The following CSRNP3 variants were observed in gnomAD, a reference collection of about 807,000 sequenced individuals.
The protein encoded by CSRNP3 is cysteine and serine rich nuclear protein 3, also known as cysteine/serine-rich nuclear protein 3.
CSRNP3 carries 12 observed loss-of-function variants against 48.0 expected under a neutral mutation model. The ratio of observed to expected loss-of-function variants is 0.25; its 90% confidence interval spans 0.16 to 0.41. The LOEUF is 0.41. Among genes scored for constraint, CSRNP3 ranks in the 10% least tolerant of loss-of-function variants. The pLI is 1.00. For synonymous variants in CSRNP3, 263 were observed against 269.7 expected, an observed-to-expected ratio of 0.98 and a Z score of 0.24; for missense variants, 580 against 724.4, an observed-to-expected ratio of 0.80 and a Z score of 2.29.
intron 3 of CSRNP3, among the ~76,000 whole-genome samples, chr2:165,579,781 G>C (rs528781379): frequency 6.6e-6 from 1 of 152,124 alleles, no homozygotes; most frequent in East Asian, 1.9e-4. Flanking sequence ...TAGTCGCAAC[G>C]TTTTCCAAAA....
At chr2:165,579,159 A>G (rs1205413636) in intron 3 of CSRNP3, among the ~76,000 whole-genome samples, 2 of 152,178 alleles carry the variant, frequency 1.3e-5, no homozygotes, top group Non-Finnish European at 2.9e-5. Context: ...TTAGGTGTCA[A>G]TGGATGAGGA....
chr2:165,663,773 C>G (rs1334911736), intron 5 of CSRNP3, among the ~76,000 whole-genome samples: 52 of 152,142 alleles, frequency 3.4e-4, no homozygotes, highest in African/African-American at 1.3e-3. Context: ...CTTCTCTTCC[C>G]AATGGTAGCT....
chr2:165,651,051 AG>A (rs1558962113), intron 4 of CSRNP3, among the ~76,000 whole-genome samples: 1 of 152,234 alleles, frequency 6.6e-6, no homozygotes, highest in Non-Finnish European at 1.5e-5. Flanking sequence ...GTACTTAAAG[AG>A]GATGACCAGC....
chr2:165,640,697 T>C (rs1686708989), intron 4 of CSRNP3, among the ~76,000 whole-genome samples: 1 of 152,278 alleles, frequency 6.6e-6, no homozygotes, highest in South Asian at 2.1e-4. Context: ...CAGGCTATAA[T>C]AAGGAAGAAG....
intron 3 of CSRNP3, among the ~76,000 whole-genome samples, chr2:165,593,415 T>C (rs955139898): frequency 6.6e-6 from 1 of 152,158 alleles, no homozygotes; most frequent in Non-Finnish European, 1.5e-5. Flanking sequence ...GGGCCCTACT[T>C]CCTGGGAATT....
At chr2:165,660,576 C>T (rs1458495730) in intron 5 of CSRNP3, among the ~76,000 whole-genome samples, 1 of 152,134 alleles carries the variant, frequency 6.6e-6, no homozygotes. Context: ...ACACGTGATA[C>T]ATGTGATGAA....
intron 4 of CSRNP3, among the ~76,000 whole-genome samples, chr2:165,615,887 G>GTTTTTT (rs1558951399): frequency 7.9e-6 from 1 of 126,656 alleles, no homozygotes; most frequent in African/African-American, 2.9e-5. Flanking sequence ...ATGTTTGTGG[G>GTTTTTT]GTTTTTTTTT....
At position 165,678,871 on chromosome 2, in the gene CSRNP3, C is replaced by A. The variant is rs781265663; in HGVS notation, c.876C>A (p.His292Gln). 6.2e-7 allele frequency: 1 copy of A among 1,614,074 alleles called. No homozygotes were observed. The highest frequency in any genetic ancestry group is 1.1e-5 in the South Asian group (1 of 91,072). ...EQQIPTLNGC[H>Q]SEISAHSSSM... ...AAATCCCCACGCTGAATGGCTGCCA[C>A]AGTGAGATAAGTGCTCACAGTAGTT... Residue 292 changes from histidine (H) to glutamine (Q), a missense_variant, in exon 7 of 7, where the codon CAC (histidine) becomes CAA (glutamine). By Grantham distance (24) the His-to-Gln change is conservative. Transcript: ENST00000651982.
At chr2:165,561,032 T>G (rs1685227449) in intron 3 of CSRNP3, among the ~76,000 whole-genome samples, 1 of 152,222 alleles carries the variant, frequency 6.6e-6, no homozygotes, top group African/African-American at 2.4e-5. Flanking sequence ...AAATACTATC[T>G]GTCTTACATA....
chr2:165,615,888 GT>G lies in CSRNP3; in HGVS notation c.148+20700del, dbSNP rs957235965. The stretch of plus-strand genomic sequence containing the variant: ...ACCATATCTGGCTAATGTTTGTGGG[GT>G]TTTTTTTTTTTTTTTTTTTTTTTTA... On this transcript the variant is annotated intron_variant, in intron 4 of 6. Coordinates refer to ENST00000651982, the MANE Select transcript of CSRNP3 (RefSeq NM_001172173.2). Among the ~76,000 whole-genome samples, 339 of 59,318 alleles carry G rather than the reference GT, an allele frequency of 5.7e-3. 1 individual carries two copies. Among genetic ancestry groups the G allele is most frequent in the African/African-American group, 0.016 (265 of 17,064 alleles). 38.9% of individuals were successfully genotyped at this position (59,318 alleles called of 152,430 possible).
At position 165,679,257 on chromosome 2, in the gene CSRNP3, G is replaced by A. The variant is rs369080009; in HGVS notation, c.1262G>A (p.Ser421Asn). The part of the protein sequence containing the change: ...CYSDGTAVHE[S>N]HAKNASFYAN... The stretch of plus-strand genomic sequence containing the variant: ...TCTGATGGCACCGCCGTTCACGAAA[G>A]CCATGCAAAGAATGCTTCTTTTTAT... The change falls in exon 7 of 7, where the codon AGC becomes AAC. Residue 421 changes from serine to asparagine, a missense_variant. Ser to Asn is a conservative substitution (Grantham distance 46). This residue lies in a region of CSRNP3 where 369 missense variants were observed against 380.8 expected (regional missense o/e 0.97). Transcript: ENST00000651982. The A allele has an allele frequency of 1.2e-6, 2 of 1,613,804 alleles. No homozygotes were observed. Among genetic ancestry groups the A allele is most frequent in the African/African-American group, 1.3e-5 (1 of 74,836 alleles).
chr2:165,475,925 C>T (rs1683956960), intron 1 of CSRNP3, among the ~76,000 whole-genome samples: 1 of 152,138 alleles, frequency 6.6e-6, no homozygotes, highest in African/African-American at 2.4e-5. Flanking sequence ...CATTATAATA[C>T]TGCTTGGTTT....
chr2:165,616,323 C>T (rs777021722), intron 4 of CSRNP3, among the ~76,000 whole-genome samples: 16 of 151,902 alleles, frequency 1.1e-4, no homozygotes, highest in Non-Finnish European at 2.1e-4. Flanking sequence ...ATTTGTTTCT[C>T]ATTTGTTTCT....
chr2:165,521,617 AT>A (rs1417709654), intron 3 of CSRNP3, among the ~76,000 whole-genome samples: 4 of 152,156 alleles, frequency 2.6e-5, no homozygotes, highest in African/African-American at 9.7e-5. Context: ...CTGTCTTCAA[AT>A]TCTCCAAGTA....
chr2:165,552,663 C>G (rs2105261162), intron 3 of CSRNP3, among the ~76,000 whole-genome samples: 1 of 152,094 alleles, frequency 6.6e-6, no homozygotes, highest in Non-Finnish European at 1.5e-5. Context: ...CTGTTTTTCT[C>G]TCTCTAATAC....
intron 3 of CSRNP3, among the ~76,000 whole-genome samples, chr2:165,569,058 T>A (rs1685334913): frequency 6.6e-6 from 1 of 152,112 alleles, no homozygotes. Flanking sequence ...GACTATGATC[T>A]TCTTGAGAAC....
chr2:165,511,884 G>T (rs1402371290), intron 2 of CSRNP3, among the ~76,000 whole-genome samples: 1 of 152,122 alleles, frequency 6.6e-6, no homozygotes, highest in African/African-American at 2.4e-5. Flanking sequence ...CCAGGGGGCA[G>T]GTTCATAGCA....
chr2:165,582,083 G>A (rs550034635), intron 3 of CSRNP3, among the ~76,000 whole-genome samples: 2 of 152,322 alleles, frequency 1.3e-5, no homozygotes, highest in East Asian at 3.9e-4. Context: ...TAGACCAGGT[G>A]GTGTTAATGC....
rs189069949 is a variant in CSRNP3, at chr2:165,653,561, A to G, written c.149-4200A>G. On this transcript the variant is annotated intron_variant, in intron 4 of 6. Transcript: ENST00000651982. ...TTTCTGGGAAAGCATGATGCAATAG[A>G]TTCATCCAGAAGGGTGAAGAATTCT... Among the ~76,000 whole-genome samples, 605 of 152,304 alleles carry G rather than the reference A, an allele frequency of 4.0e-3. 5 individuals carry two copies. The highest frequency in any genetic ancestry group is 0.014 in the African/African-American group (573 of 41,550).
Sources: gnomAD v4.1 joint callset for allele counts (sites outside exome capture counted in the v4.1 genomes callset) on GRCh38, gnomAD v4.1.1 for gene constraint, gnomAD v4.1.1 regional missense constraint, MANE v1.5 for transcripts, NCBI Gene and HGNC (gene_info 2026-07-23, HGNC 2026-07-21) for gene names.